Variants in DMXL2 observed in about 807,000 individuals in gnomAD.
DMXL2 encodes the protein dmX-like protein 2.
DMXL2 carries 103 observed loss-of-function variants against 331.1 expected under a neutral mutation model. That is an observed-to-expected ratio of 0.31 (90% CI 0.27 to 0.37). The LOEUF is 0.37. DMXL2 is among the 10% of genes least tolerant of loss of function. The pLI, the probability that DMXL2 is intolerant of heterozygous loss-of-function variation, is 1.00. For synonymous variants in DMXL2, 1,281 were observed against 1,252.1 expected, an observed-to-expected ratio of 1.02 and a Z score of -0.49; for missense variants, 3,171 against 3,642.9, an observed-to-expected ratio of 0.87 and a Z score of 3.33.
At chr15:51,501,812 C>T (rs1055722032) in intron 17 of DMXL2, among the ~76,000 whole-genome samples, 4 of 148,626 alleles carry the variant, frequency 2.7e-5, no homozygotes, top group Admixed American at 1.4e-4. Context: ...CCCAGCTACT[C>T]GGGAGGCTAA....
chr15:51,474,488 A>G lies in DMXL2; in HGVS notation c.7069T>C (p.Leu2357=). The G allele has an allele frequency of 6.2e-7, 1 of 1,614,204 alleles. No individual in the cohort carries two copies. The change falls in exon 28 of 44, where the codon TTG becomes CTG. Residue 2357 remains leucine (L), a synonymous_variant. Transcript: ENST00000560891. The stretch of plus-strand genomic sequence containing the variant: ...GAATTTGTGGCAAGAGCATGTATCA[A>G]TAAACTTAAGTAAACAGCAACAACA... ...EAVVAVYLSL[L]IHALATNSSS...
At chr15:51,465,456 A>T (rs1306888855) in intron 31 of DMXL2, 110 bp downstream of exon 31, 1 of 781,812 alleles carries the variant, frequency 1.3e-6, no homozygotes, top group Non-Finnish European at 2.2e-6. Context: ...TAAAATATCT[A>T]ATGCACTATT....
At chr15:51,582,866 C>A (rs966918007) in intron 1 of DMXL2, among the ~76,000 whole-genome samples, 1 of 151,722 alleles carries the variant, frequency 6.6e-6, no homozygotes, top group Non-Finnish European at 1.5e-5. Flanking sequence ...AATGAAGTCA[C>A]CTTCTCATCC....
chr15:51,477,015 T>C (rs2041637729), intron 26 of DMXL2, among the ~76,000 whole-genome samples: 1 of 152,076 alleles, frequency 6.6e-6, no homozygotes, highest in Non-Finnish European at 1.5e-5. Flanking sequence ...GTAATTTTTA[T>C]TTTGTGTTTT....
chr15:51,622,465 G>A lies in DMXL2; in HGVS notation c.81C>T (p.Pro27=), dbSNP rs2278990. The A allele has an allele frequency of 0.5, 778,416 of 1,561,996 alleles. 195,662 individuals are homozygous for A. Among genetic ancestry groups the A allele is most frequent in the Non-Finnish European group, 0.52 (594,118 of 1,152,698 alleles). The change falls in exon 1 of 44, where the codon CCC becomes CCT. Residue 27 remains proline, a synonymous_variant. Coordinates refer to ENST00000560891, the MANE Select transcript of DMXL2 (RefSeq NM_001378457.1). ...GCTCCCGGCCGCCGCTCACCGTGAA[G>A]GGGACATCCCCGACGCTGCCCACGG... is the stretch of plus-strand genomic sequence containing the variant. ...CYSVGSVGDV[P]FTAYGSGCDI...
Position 51,537,566 on chromosome 15 carries a change from G to A in DMXL2, c.1539C>T (p.His513=), listed in dbSNP as rs767938506. The change falls in exon 11 of 44, where the codon CAC becomes CAT. Residue 513 remains histidine (H), a synonymous_variant. Coordinates refer to ENST00000560891, the MANE Select transcript of DMXL2 (RefSeq NM_001378457.1). ...NKNPDMLFTI[H]PVDGTFLVWH... ...ACACTAGAAAGGTACCATCTACAGG[G>A]TGTATTGTAAAAAGCATATCAGGAT... is the stretch of plus-strand genomic sequence containing the variant. The A allele has an allele frequency of 5.4e-5, 87 of 1,613,570 alleles. No homozygotes were observed. The highest frequency in any genetic ancestry group is 6.7e-5 in the Non-Finnish European group (79 of 1,179,810).
chr15:51,526,411 G>C (rs978317869), intron 13 of DMXL2, among the ~76,000 whole-genome samples: 1 of 152,142 alleles, frequency 6.6e-6, no homozygotes, highest in African/African-American at 2.4e-5. Flanking sequence ...TAAATATCTG[G>C]AAAGCCTTCC....
Position 51,481,595 on chromosome 15 carries a change from T to C in DMXL2, c.5511A>G (p.Ala1837=). ...TTCGAAGGTAGTTATAAAAACTAAA[T>C]GCCACCGGGTTACAAGACTTGATGA... ...QVIIKSCNPV[A]FSFYNYLRTH... Residue 1837 remains alanine (A), a synonymous_variant, in exon 24 of 44, where the codon GCA becomes GCG. Coordinates refer to ENST00000560891, the MANE Select transcript of DMXL2 (RefSeq NM_001378457.1). 6.4e-7 allele frequency: 1 copy of C among 1,567,574 alleles called. No homozygotes were observed. Among genetic ancestry groups the C allele is most frequent in the Non-Finnish European group, 8.6e-7 (1 of 1,161,254 alleles).
intron 1 of DMXL2, among the ~76,000 whole-genome samples, chr15:51,609,748 G>A (rs1158428827): frequency 1.3e-5 from 2 of 152,178 alleles, no homozygotes; most frequent in Non-Finnish European, 2.9e-5. Context: ...GGCCAACATG[G>A]TGAAACCCCA....
Position 51,471,277 on chromosome 15 carries a change from G to T in DMXL2, c.7338C>A (p.Tyr2446Ter). The change falls in exon 29 of 44, where the codon TAC becomes TAA. Residue 2446 changes from tyrosine (Y) to a stop codon, truncating the protein, a stop_gained. Coordinates refer to ENST00000560891, the MANE Select transcript of DMXL2 (RefSeq NM_001378457.1). LOFTEE classifies it high-confidence loss of function. Reference protein sequence around the residue: ...PPPVPAERPSYKEKFIPPELS... With the variant: ...PPPVPAERPS ...GTTCGGGAGGAATAAATTTTTCTTT[G>T]TAAGATGGTCTTTCTGCAGGCACCG... 2 of 1,614,026 alleles carry T rather than the reference G, an allele frequency of 1.2e-6. No individual in the cohort carries two copies. The highest frequency in any genetic ancestry group is 1.7e-6 in the Non-Finnish European group (2 of 1,179,954).
chr15:51,547,378 T>C lies in DMXL2; in HGVS notation c.598A>G (p.Met200Val), dbSNP rs775701630. The C allele has an allele frequency of 6.2e-6, 10 of 1,604,878 alleles. No individual in the cohort carries two copies. Among genetic ancestry groups the C allele is most frequent in the Middle Eastern group, 1.7e-4 (1 of 6,044 alleles). The change falls in exon 7 of 44, where the codon ATG (methionine) becomes GTG (valine). Residue 200 changes from methionine to valine, a missense_variant. Met to Val is a conservative substitution (Grantham distance 21). Transcript: ENST00000560891. ...ATAATTGAAGACTTCCAACCAGTCATAGGATACCACACTTTCAAAAGACAA... is the reference window on the plus strand; with the variant it reads ...ATAATTGAAGACTTCCAACCAGTCACAGGATACCACACTTTCAAAAGACAA... Reference protein sequence around the residue: ...DDCLLKVWYPMTGWKSSIIPQ... With the variant: ...DDCLLKVWYPVTGWKSSIIPQ...
intron 14 of DMXL2, among the ~76,000 whole-genome samples, chr15:51,515,600 T>C (rs569144894): frequency 3.3e-5 from 5 of 152,244 alleles, no homozygotes; most frequent in South Asian, 2.1e-4. Flanking sequence ...TTCACAGATA[T>C]AGAAATCATA....
chr15:51,506,451 T>A (rs1174734950), intron 16 of DMXL2, among the ~76,000 whole-genome samples: 3 of 128,804 alleles, frequency 2.3e-5, no homozygotes, highest in Non-Finnish European at 1.6e-5. Context: ...GCAATTCTGC[T>A]TTTTTTTTTT....
At chr15:51,461,729 C>A (rs779506677) in intron 33 of DMXL2, among the ~76,000 whole-genome samples, 4 of 152,060 alleles carry the variant, frequency 2.6e-5, no homozygotes, top group Non-Finnish European at 5.9e-5. Context: ...TGTTTTGTAT[C>A]TTTTGTAGAG....
intron 32 of DMXL2, 128 bp from the exon 33 acceptor site, chr15:51,463,624 T>C: frequency 3.4e-6 from 2 of 580,668 alleles, no homozygotes; most frequent in Non-Finnish European, 5.8e-6. Flanking sequence ...CTTCATAATC[T>C]ATTGCAAAGA....
At position 51,464,835 on chromosome 15, in the gene DMXL2, T is replaced by G; in HGVS notation, c.7648A>C (p.Asn2550His). The G allele has an allele frequency of 6.2e-7, 1 of 1,614,160 alleles. No individual in the cohort carries two copies. The highest frequency in any genetic ancestry group is 8.5e-7 in the Non-Finnish European group (1 of 1,180,010). Reference protein sequence around the residue: ...TSPLGIAVIKNLENWEQILQE... With the variant: ...TSPLGIAVIKHLENWEQILQE... ...AAGATCTGTTCCCAGTTCTCCAAGT[T>G]TTTAATCACAGCAATACCTAATGGT... The change falls in exon 32 of 44, where the codon AAC becomes CAC. Residue 2550 changes from asparagine to histidine, a missense_variant. Physicochemically the swap from Asn to His is moderately conservative, Grantham distance 68. Around this residue, in one of 7 missense-constraint regions of DMXL2, gnomAD observed 766 missense variants for 940.5 expected, o/e 0.81. Coordinates refer to ENST00000560891, the MANE Select transcript of DMXL2 (RefSeq NM_001378457.1).
intron 26 of DMXL2, 113 bp from the exon 27 acceptor site, chr15:51,476,832 C>T: frequency 4.1e-6 from 3 of 734,142 alleles, no homozygotes; most frequent in Non-Finnish European, 6.1e-6. Flanking sequence ...TCTTAAAATG[C>T]ATTCACTGTT....
At chr15:51,530,777 A>G (rs1245349939) in intron 13 of DMXL2, among the ~76,000 whole-genome samples, 1 of 152,046 alleles carries the variant, frequency 6.6e-6, no homozygotes, top group Non-Finnish European at 1.5e-5. Flanking sequence ...ACAAAAAGTA[A>G]TCTCATTTAC....
At chr15:51,455,309 G>C in intron 39 of DMXL2, 81 bp from the exon 40 acceptor site, 1 of 1,137,376 alleles carries the variant, frequency 8.8e-7, no homozygotes, top group Non-Finnish European at 1.3e-6. Context: ...GATTCACTAA[G>C]GCCCTACTAA....
Sources: allele counts gnomAD v4.1 joint callset (sites outside exome capture counted in the v4.1 genomes callset), GRCh38; gene constraint gnomAD v4.1.1; regional missense constraint gnomAD v4.1.1; transcripts MANE v1.5; gene names NCBI Gene and HGNC (gene_info 2026-07-23, HGNC 2026-07-21).